Variants in COL15A1 observed in about 807,000 individuals in gnomAD.
COL15A1 encodes the protein collagen type XV alpha 1 chain, also known as collagen alpha-1(XV) chain.
COL15A1 carries 111 observed loss-of-function variants against 165.9 expected under a neutral mutation model. The observed-to-expected ratio is 0.67, with a 90% confidence interval of 0.57 to 0.78. The LOEUF is 0.78. COL15A1 is among the 30% of genes least tolerant of loss of function. The probability of loss-of-function intolerance (pLI) is 0.00; values close to 1 mark genes in which losing one functional copy is unlikely to be tolerated. For missense variants in COL15A1, 1,745 were observed against 1,789.7 expected, an observed-to-expected ratio of 0.98 and a Z score of 0.45; for synonymous variants, 659 against 674.8, an observed-to-expected ratio of 0.98 and a Z score of 0.36.
At chr9:99,023,090 G>A (rs982970726) in intron 13 of COL15A1, among the ~76,000 whole-genome samples, 1 of 152,212 alleles carries the variant, frequency 6.6e-6, no homozygotes, top group Non-Finnish European at 1.5e-5. Flanking sequence ...AGGAGACTGC[G>A]GAACTGGGCC....
At chr9:99,049,112 C>G (rs1225944085) in intron 28 of COL15A1, among the ~76,000 whole-genome samples, 3 of 152,190 alleles carry the variant, frequency 2.0e-5, no homozygotes, top group African/African-American at 7.2e-5. Context: ...TCATGCCTGC[C>G]CTCAGAGCCT....
At chr9:99,029,252 G>A (rs959309385) in intron 16 of COL15A1, among the ~76,000 whole-genome samples, 2 of 152,242 alleles carry the variant, frequency 1.3e-5, no homozygotes, top group African/African-American at 4.8e-5. Flanking sequence ...TTTGTGCTTG[G>A]AAATTTTCTT....
At chr9:98,971,231 A>C (rs956738099) in intron 2 of COL15A1, among the ~76,000 whole-genome samples, 1 of 152,054 alleles carries the variant, frequency 6.6e-6, no homozygotes, top group Non-Finnish European at 1.5e-5. Flanking sequence ...TAGAGCATCC[A>C]TGTCCAGCAG....
At chr9:99,018,879 A>T (rs941159074) in intron 11 of COL15A1, among the ~76,000 whole-genome samples, 8 of 152,196 alleles carry the variant, frequency 5.3e-5, no homozygotes, top group African/African-American at 1.9e-4. Context: ...GAACTGTGGA[A>T]GGTTGTTAGG....
chr9:99,031,062 C>T (rs1167381023), intron 16 of COL15A1, among the ~76,000 whole-genome samples: 1 of 152,184 alleles, frequency 6.6e-6, no homozygotes, highest in Non-Finnish European at 1.5e-5. Flanking sequence ...TCACCGAGCA[C>T]ACCTTCTCCT....
rs768032287 is a variant in COL15A1 at position 99,062,270 on chromosome 9, C to T, written c.3557C>T (p.Ala1186Val). ...CTGGGAGAACTGATCCCCATTCCTG[C>T]CGACAGCCCTCCACCCCCTGCGCTT... ...LQLGELIPIP[A>V]DSPPPPALSS... Residue 1186 changes from alanine to valine, a missense_variant, in exon 38 of 42, where the codon GCC becomes GTC. Transcript: ENST00000375001. 2 of 1,613,668 alleles carry T rather than the reference C, an allele frequency of 1.2e-6. No individual in the cohort carries two copies. The highest frequency in any genetic ancestry group is 3.3e-5 in the Admixed American group (2 of 60,018).
At position 99,015,496 on chromosome 9, in the gene COL15A1, C is replaced by A; in HGVS notation, c.1433C>A (p.Ala478Asp). 1 of 1,612,448 alleles carries A rather than the reference C, an allele frequency of 6.2e-7. No individual in the cohort carries two copies. The highest frequency in any genetic ancestry group is 8.5e-7 in the Non-Finnish European group (1 of 1,178,780). Reference protein sequence around the residue: ...VSLSTFEDEEASGVPTDGLAP... With the variant: ...VSLSTFEDEEDSGVPTDGLAP... ...CTCAGTACTTTTGAGGATGAGGAAG[C>A]CAGTGGGGTCCCCACAGATGGCCTG... The change falls in exon 10 of 42, where the codon GCC (alanine) becomes GAC (aspartate). Residue 478 changes from alanine (A) to aspartate (D), a missense_variant. Coordinates refer to ENST00000375001, the MANE Select transcript of COL15A1 (RefSeq NM_001855.5).
chr9:99,002,976 A>T (rs907552975), intron 7 of COL15A1, among the ~76,000 whole-genome samples: 2 of 152,254 alleles, frequency 1.3e-5, no homozygotes, highest in African/African-American at 4.8e-5. Context: ...CCTTCAGAGA[A>T]TCTGCCTGTG....
At position 99,032,267 on chromosome 9, in the gene COL15A1, A is replaced by G. The variant is rs368529479; in HGVS notation, c.2044-2282A>G. 9.2e-5 allele frequency among the ~76,000 whole-genome samples: 14 copies of G among 151,936 alleles called. 1 individual carries two copies. In the East Asian group the frequency reaches 1.3e-3, roughly 15 times the overall value. ...TCACGCAGTGGTGCGATCTTGGCTC[A>G]CTGCAACCTCCTCCTGGGTTCAAAC... On this transcript the variant is annotated intron_variant, in intron 16 of 41. Transcript: ENST00000375001.
Position 99,012,832 on chromosome 9 carries a change from G to A in COL15A1, c.1354-2585G>A, listed in dbSNP as rs184089584. Among the ~76,000 whole-genome samples, 284 of 148,858 alleles carry A rather than the reference G, an allele frequency of 1.9e-3. 2 individuals are homozygous for A. Among genetic ancestry groups the A allele is most frequent in the African/African-American group, 6.7e-3 (271 of 40,386 alleles). ...GTTCAAGTGATTCTCCTGCCTCAGC[G>A]TCTTGAGTAGCTGGGACTACAGGTG... is the stretch of plus-strand genomic sequence containing the variant. On this transcript the variant is annotated intron_variant, in intron 9 of 41. Transcript: ENST00000375001.
intron 28 of COL15A1, among the ~76,000 whole-genome samples, chr9:99,049,143 C>T (rs1236164860): frequency 6.6e-6 from 1 of 152,226 alleles, no homozygotes; most frequent in African/African-American, 2.4e-5. Flanking sequence ...GCTGCAAGCT[C>T]CTGCCTCTAG....
chr9:98,983,670 G>T (rs569373234), intron 2 of COL15A1, among the ~76,000 whole-genome samples: 7 of 152,186 alleles, frequency 4.6e-5, no homozygotes, highest in East Asian at 1.9e-4. Flanking sequence ...TTATCCCTGC[G>T]CATTGACCTC....
Position 99,055,323 on chromosome 9 carries a change from G to A in COL15A1, c.3143G>A (p.Ser1048Asn), listed in dbSNP as rs191047598. The change falls in exon 34 of 42, where the codon AGC (serine) becomes AAC (asparagine). Residue 1048 changes from serine (S) to asparagine (N), a missense_variant. By Grantham distance (46) the Ser-to-Asn change is conservative. Coordinates refer to ENST00000375001, the MANE Select transcript of COL15A1 (RefSeq NM_001855.5). ...EKGEKGDING[S>N]FLMSGPPGLP... ...GGAGAAAAAGGAGACATTAATGGCA[G>A]CTTCCTTATGTCTGGGCCTCCAGGC... The A allele has an allele frequency of 1.3e-5, 21 of 1,614,010 alleles. No individual in the cohort carries two copies. The Admixed American group carries it at 3.3e-4, about 26-fold the overall frequency.
At chr9:99,036,488 A>T (rs1426397084) in intron 21 of COL15A1, 92 bp downstream of exon 21, 3 of 1,358,426 alleles carry the variant, frequency 2.2e-6, no homozygotes, top group Non-Finnish European at 3.1e-6. Flanking sequence ...GCTTCTGGCT[A>T]TGCAGGAGGC....
intron 2 of COL15A1, among the ~76,000 whole-genome samples, chr9:98,962,552 A>G (rs1837881065): frequency 6.6e-6 from 1 of 152,246 alleles, no homozygotes; most frequent in Non-Finnish European, 1.5e-5. Context: ...TTGGAGTGGA[A>G]TTCAAAACTT....
At chr9:98,991,237 C>T (rs1278466549) in intron 5 of COL15A1, among the ~76,000 whole-genome samples, 1 of 129,066 alleles carries the variant, frequency 7.7e-6, no homozygotes, top group Admixed American at 8.5e-5. Context: ...ACTCAGGCAG[C>T]CTGCTTTTGT....
intron 5 of COL15A1, among the ~76,000 whole-genome samples, chr9:98,989,993 G>A (rs564373579): frequency 1.8e-4 from 28 of 152,338 alleles, no homozygotes; most frequent in Admixed American, 1.2e-3. Flanking sequence ...AGCTTCAGCC[G>A]TCTCCTTGCC....
At position 99,051,799 on chromosome 9, in the gene COL15A1, G is replaced by A. The variant is rs187800410; in HGVS notation, c.2905-589G>A. On this transcript the variant is annotated intron_variant, in intron 30 of 41. Transcript: ENST00000375001. ...GCTTTGTCTGAATAGAGAAGGAAAT[G>A]CAGGAATCTGGGGAAAACTGGGAAG... is the stretch of plus-strand genomic sequence containing the variant. Among the ~76,000 whole-genome samples, 278 of 152,318 alleles carry A rather than the reference G, an allele frequency of 1.8e-3. 2 individuals are homozygous for A. Among genetic ancestry groups the A allele is most frequent in the South Asian group, 7.5e-3 (36 of 4,822 alleles).
At chr9:98,999,797 G>A (rs989826116) in intron 6 of COL15A1, among the ~76,000 whole-genome samples, 2 of 151,514 alleles carry the variant, frequency 1.3e-5, no homozygotes, top group African/African-American at 2.4e-5. Flanking sequence ...TGGGATTACA[G>A]GCATGAGCCA....
Sources: gnomAD v4.1 joint callset for allele counts (sites outside exome capture counted in the v4.1 genomes callset) on GRCh38, gnomAD v4.1.1 for gene constraint, MANE v1.5 for transcripts, NCBI Gene and HGNC (gene_info 2026-07-23, HGNC 2026-07-21) for gene names.